PCNX1: variants seen among roughly 807,000 people sequenced by gnomAD.
The protein encoded by PCNX1 is pecanex-like protein 1.
A neutral mutation model predicts 242.2 loss-of-function variants in PCNX1; 78 were observed. That is an observed-to-expected ratio of 0.32 (90% confidence interval 0.27 to 0.39). The LOEUF is 0.39. Ranked by LOEUF, PCNX1 falls within the 10% of genes least tolerant of loss-of-function variation. The probability of loss-of-function intolerance (pLI) is 1.00; values close to 1 mark genes in which losing one functional copy is unlikely to be tolerated. For missense variants in PCNX1, 2,581 were observed against 2,856.5 expected (o/e 0.90, Z 2.20); for synonymous variants, 1,024 against 1,032.9 (o/e 0.99, Z 0.17).
At chr14:71,008,858 G>C (rs914769856) in intron 8 of PCNX1, among the ~76,000 whole-genome samples, 3 of 151,872 alleles carry the variant, frequency 2.0e-5, no homozygotes, top group Non-Finnish European at 4.4e-5. Context: ...GGCTACCATA[G>C]ATCCTCAAAG....
intron 2 of PCNX1, among the ~76,000 whole-genome samples, chr14:70,959,017 C>CAA (rs34761560): frequency 0.018 from 1,374 of 78,170 alleles, 11 homozygotes; most frequent in African/African-American, 0.023. Context: ...CAGATAATAG[C>CAA]AAAAAAAAAA....
chr14:70,960,635 A>C (rs1395447953), intron 2 of PCNX1, among the ~76,000 whole-genome samples: 1 of 151,958 alleles, frequency 6.6e-6, no homozygotes, highest in Non-Finnish European at 1.5e-5. Context: ...CACCACTCCT[A>C]TTCAACATAG....
At chr14:70,958,614 A>G (rs1327003189) in intron 2 of PCNX1, among the ~76,000 whole-genome samples, 1 of 152,018 alleles carries the variant, frequency 6.6e-6, no homozygotes, top group African/African-American at 2.4e-5. Flanking sequence ...CTGCCCCTTA[A>G]TGGTTATAAG....
intron 8 of PCNX1, among the ~76,000 whole-genome samples, chr14:71,002,281 G>A (rs2059528174): frequency 6.6e-6 from 1 of 152,134 alleles, no homozygotes; most frequent in South Asian, 2.1e-4. Context: ...TTAGTATCTG[G>A]TAGGAATTTC....
chr14:71,021,826 G>T (rs1286800567), intron 12 of PCNX1, among the ~76,000 whole-genome samples: 1 of 151,116 alleles, frequency 6.6e-6, no homozygotes, highest in Admixed American at 6.6e-5. Context: ...CTTTTCCTTT[G>T]TTGATCCCTC....
Position 71,026,287 on chromosome 14 carries a change from A to G in PCNX1, c.3354A>G (p.Ile1118Met), listed in dbSNP as rs775635770. 1 of 1,567,254 alleles carries G rather than the reference A, an allele frequency of 6.4e-7. No homozygotes were observed. Residue 1118 changes from isoleucine (I) to methionine (M), a missense_variant and splice_region_variant, in exon 14 of 36, where the codon ATA (isoleucine) becomes ATG (methionine). Coordinates refer to ENST00000304743, the MANE Select transcript of PCNX1 (RefSeq NM_014982.3). Reference protein sequence around the residue: ...LVFISARDLVIVFTLCFPIVF... With the variant: ...LVFISARDLVMVFTLCFPIVF... ...TTATATCAGCCAGGGATTTAGTTAT[A>G]GGTGAGTCATCTTAAAGTATCTCTA...
intron 5 of PCNX1, among the ~76,000 whole-genome samples, chr14:70,976,497 G>T (rs548192117): frequency 1.3e-5 from 2 of 151,008 alleles, no homozygotes; most frequent in African/African-American, 4.9e-5. Context: ...CTCAGCCTCC[G>T]GAGAAGCTGG....
chr14:71,010,256 T>C (rs1270359436), intron 9 of PCNX1, among the ~76,000 whole-genome samples: 1 of 152,128 alleles, frequency 6.6e-6, no homozygotes, highest in Non-Finnish European at 1.5e-5. Flanking sequence ...AATTTAATTG[T>C]ATTTCATTTT....
chr14:70,978,194 G>A lies in PCNX1; in HGVS notation c.1857G>A (p.Gln619=), dbSNP rs141434359. Residue 619 remains glutamine, a synonymous_variant, in exon 6 of 36, where the codon CAG becomes CAA. Coordinates refer to ENST00000304743, the MANE Select transcript of PCNX1 (RefSeq NM_014982.3). ...CATCAAGTGTTCAGTCTGCTCACCA[G>A]TTCAGCAGTGATAGCTCTTCTAGCA... ...SRASSVQSAH[Q]FSSDSSSSTT... The A allele has an allele frequency of 6.2e-4, 994 of 1,614,144 alleles. 13 individuals carry two copies. In the Admixed American group the frequency reaches 0.013, roughly 22 times the overall value.
Position 71,110,722 on chromosome 14 carries a change from CT to C in PCNX1, c.*789del. On this transcript the variant is annotated 3_prime_UTR_variant, in exon 36 of 36. Coordinates refer to ENST00000304743, the MANE Select transcript of PCNX1 (RefSeq NM_014982.3). ...ATATAGAATCTCAAGATATACGTAG[CT>C]TCATCATTGACATTTCCCAGAGCCA... 6.6e-6 allele frequency: 1 copy of C among 152,638 alleles called. No individual in the cohort carries two copies. The highest frequency in any genetic ancestry group is 1.9e-4 in the East Asian group (1 of 5,192). 9.5% of individuals were successfully genotyped at this position (152,638 alleles called of 1,614,324 possible).
chr14:70,944,546 G>C (rs1445431167), intron 1 of PCNX1, among the ~76,000 whole-genome samples: 1 of 152,182 alleles, frequency 6.6e-6, no homozygotes, highest in Non-Finnish European at 1.5e-5. Flanking sequence ...GACTTGCCTT[G>C]TCTGTGATAA....
intron 24 of PCNX1, among the ~76,000 whole-genome samples, chr14:71,053,037 A>G (rs1039429525): frequency 2.0e-5 from 3 of 152,212 alleles, no homozygotes; most frequent in African/African-American, 7.2e-5. Context: ...ACAAATTGGC[A>G]TATTTAATAG....
intron 2 of PCNX1, among the ~76,000 whole-genome samples, chr14:70,949,000 TTTA>T (rs1321629756): frequency 6.8e-6 from 1 of 148,112 alleles, no homozygotes; most frequent in Non-Finnish European, 1.5e-5. Flanking sequence ...TCTCAGCATT[TTTA>T]TTTACTCGTA....
At chr14:71,106,176 A>G (rs947314134) in intron 33 of PCNX1, among the ~76,000 whole-genome samples, 9 of 151,328 alleles carry the variant, frequency 5.9e-5, no homozygotes, top group African/African-American at 1.5e-4. Context: ...ACTGCGCCCA[A>G]CTAATTTTTT....
intron 6 of PCNX1, among the ~76,000 whole-genome samples, chr14:70,980,148 T>A (rs914453716): frequency 7.9e-5 from 12 of 152,106 alleles, no homozygotes; most frequent in Admixed American, 4.6e-4. Context: ...CTGAATATTG[T>A]GGAAATGTAA....
chr14:71,074,595 T>C (rs1299650152), intron 27 of PCNX1, among the ~76,000 whole-genome samples: 1 of 152,208 alleles, frequency 6.6e-6, no homozygotes, highest in Non-Finnish European at 1.5e-5. Context: ...CACGGGCTGT[T>C]GTCCACCAAG....
In PCNX1 at chr14:71,055,575, T is replaced by C. The variant is rs2061160958; in HGVS notation, c.4636+13T>C. ...GATAGAAATCCAGGTAATAGCTCTA[T>C]TTGTGACTAAGGAGGCAAGACTAAG... On this transcript the variant is annotated intron_variant, in intron 25 of 35. Coordinates refer to ENST00000304743, the MANE Select transcript of PCNX1 (RefSeq NM_014982.3). The C allele has an allele frequency of 6.4e-7, 1 of 1,551,624 alleles. No homozygotes were observed. The highest frequency in any genetic ancestry group is 1.7e-5 in the Admixed American group (1 of 59,566).
Position 70,973,507 on chromosome 14 carries a change from C to T in PCNX1, c.605-3435C>T, listed in dbSNP as rs111891466. On this transcript the variant is annotated intron_variant, in intron 5 of 35. Transcript: ENST00000304743. ...GGGGTGTTGGTGACCTTGATAAGCA[C>T]GGTCTTAGGGGAGTTGAATTGGAAT... Among the ~76,000 whole-genome samples, 568 of 151,864 alleles carry T rather than the reference C, an allele frequency of 3.7e-3. 2 individuals carry two copies. Among genetic ancestry groups the T allele is most frequent in the Non-Finnish European group, 6.1e-3 (416 of 67,958 alleles).
intron 2 of PCNX1, among the ~76,000 whole-genome samples, chr14:70,948,813 TTTA>T (rs749997093): frequency 1.4e-5 from 2 of 146,896 alleles, no homozygotes; most frequent in Admixed American, 6.7e-5. Context: ...TAAATCAGCA[TTTA>T]TTTTTATTTA....
Sources: allele counts gnomAD v4.1 joint callset (sites outside exome capture counted in the v4.1 genomes callset), GRCh38; gene constraint gnomAD v4.1.1; transcripts MANE v1.5; gene names NCBI Gene and HGNC (gene_info 2026-07-23, HGNC 2026-07-21).